CSMD1: variants seen among roughly 807,000 people sequenced by gnomAD.
The protein encoded by CSMD1 is CUB and Sushi multiple domains 1, also known as CUB and sushi domain-containing protein 1.
A neutral mutation model predicts 417.5 loss-of-function variants in CSMD1; 213 were observed. That is an observed-to-expected ratio of 0.51 (90% CI 0.46 to 0.57). The LOEUF (loss-of-function observed/expected upper bound fraction) is 0.57, where lower values mean the gene tolerates loss of function less well. Among genes scored for constraint, CSMD1 ranks in the 20% least tolerant of loss-of-function variants. The pLI, the probability that CSMD1 is intolerant of heterozygous loss-of-function variation, is 0.00. For synonymous variants in CSMD1, 2,862 were observed against 1,736.8 expected (o/e 1.65, Z -16.11); for missense variants, 6,923 against 4,529.7 (o/e 1.53, Z -15.17).
At chr8:4,218,123 C>T (rs577919121) in intron 3 of CSMD1, among the ~76,000 whole-genome samples, 2 of 152,296 alleles carry the variant, frequency 1.3e-5, no homozygotes, top group Admixed American at 6.5e-5. Context: ...TGACCTTGAA[C>T]AGCAGGGTAT....
At chr8:4,186,369 T>A (rs1042408007) in intron 3 of CSMD1, among the ~76,000 whole-genome samples, 1 of 152,122 alleles carries the variant, frequency 6.6e-6, no homozygotes, top group African/African-American at 2.4e-5. Flanking sequence ...ATCTTCGTGT[T>A]GAATGCAGCA....
chr8:3,785,560 G>C (rs1375922983), intron 5 of CSMD1, among the ~76,000 whole-genome samples: 1 of 152,202 alleles, frequency 6.6e-6, no homozygotes, highest in Non-Finnish European at 1.5e-5. Flanking sequence ...TGAAGGGAGA[G>C]GTAAGCGGTG....
At chr8:3,845,485 A>C (rs2129096566) in intron 5 of CSMD1, among the ~76,000 whole-genome samples, 1 of 152,308 alleles carries the variant, frequency 6.6e-6, no homozygotes, top group Non-Finnish European at 1.5e-5. Flanking sequence ...TAAAAGATAG[A>C]AAATGCTACA....
intron 3 of CSMD1, among the ~76,000 whole-genome samples, chr8:4,174,916 A>G (rs1483741625): frequency 2.7e-5 from 4 of 150,712 alleles, no homozygotes; most frequent in Non-Finnish European, 5.9e-5. Context: ...ATCTTTGCAG[A>G]ACTGATGTCA....
chr8:3,987,586 C>G (rs767724825), intron 5 of CSMD1, among the ~76,000 whole-genome samples: 3 of 152,118 alleles, frequency 2.0e-5, no homozygotes, highest in African/African-American at 4.8e-5. Flanking sequence ...TTTAATTCCT[C>G]GTTCTTCTCA....
intron 3 of CSMD1, among the ~76,000 whole-genome samples, chr8:4,418,249 C>G (rs987249478): frequency 3.3e-5 from 5 of 152,160 alleles, no homozygotes; most frequent in Non-Finnish European, 4.4e-5. Context: ...AAAATAAATC[C>G]AAGTTACTCA....
intron 33 of CSMD1, among the ~76,000 whole-genome samples, chr8:3,193,665 G>A (rs749531824): frequency 9.2e-5 from 14 of 152,258 alleles, no homozygotes; most frequent in Non-Finnish European, 1.8e-4. Flanking sequence ...AAAGTGAGCA[G>A]GAATGAGGTC....
intron 30 of CSMD1, among the ~76,000 whole-genome samples, chr8:3,206,118 A>G (rs1422391252): frequency 1.3e-5 from 2 of 152,178 alleles, no homozygotes; most frequent in East Asian, 3.8e-4. Flanking sequence ...AGCAACATGC[A>G]TAATTACTAA....
chr8:4,288,200 G>A (rs1041623016), intron 3 of CSMD1, among the ~76,000 whole-genome samples: 1 of 152,132 alleles, frequency 6.6e-6, no homozygotes, highest in Non-Finnish European at 1.5e-5. Flanking sequence ...TGGTACTGCA[G>A]TGGATGGATT....
intron 3 of CSMD1, among the ~76,000 whole-genome samples, chr8:4,129,816 A>G (rs1802988166): frequency 6.6e-6 from 1 of 152,102 alleles, no homozygotes; most frequent in African/African-American, 2.4e-5. Flanking sequence ...TTATTTTCTA[A>G]GTTGTCTCTG....
chr8:4,755,264 A>G (rs17071205), intron 1 of CSMD1, among the ~76,000 whole-genome samples: 19,823 of 152,248 alleles, frequency 0.13, 1,419 homozygotes, highest in African/African-American at 0.16. Flanking sequence ...GACAATATTT[A>G]TGACTTTGCC....
chr8:4,099,509 T>C (rs1182185388), intron 3 of CSMD1, among the ~76,000 whole-genome samples: 1 of 152,102 alleles, frequency 6.6e-6, no homozygotes, highest in Non-Finnish European at 1.5e-5. Context: ...TGCTGTTCAC[T>C]ACGGATTGTG....
chr8:4,157,233 G>C (rs1482021871), intron 3 of CSMD1, among the ~76,000 whole-genome samples: 2 of 152,152 alleles, frequency 1.3e-5, no homozygotes, highest in Non-Finnish European at 2.9e-5. Context: ...GAGTTTATAA[G>C]AACACAACAG....
At chr8:4,791,575 C>T (rs970904600) in intron 1 of CSMD1, among the ~76,000 whole-genome samples, 8 of 152,130 alleles carry the variant, frequency 5.3e-5, no homozygotes, top group African/African-American at 1.7e-4. Flanking sequence ...TAGAAACTAA[C>T]GTGAGGAAAT....
At chr8:4,818,078 G>T (rs1799308806) in intron 1 of CSMD1, among the ~76,000 whole-genome samples, 2 of 152,154 alleles carry the variant, frequency 1.3e-5, no homozygotes, top group South Asian at 4.1e-4. Flanking sequence ...AACTCAGGAG[G>T]ATGCATTGAA....
At position 4,727,900 on chromosome 8, in the gene CSMD1, C is replaced by CAT. The variant is rs559043031; in HGVS notation, c.86-90344_86-90343dup. On this transcript the variant is annotated intron_variant, in intron 1 of 69. Transcript: ENST00000635120. ...CACCAATATGTACCCACCTATACCA[C>CAT]ATATATATATATACCAAATACATCT... 3.7e-3 allele frequency among the ~76,000 whole-genome samples: 523 copies of CAT among 142,690 alleles called. 8 individuals are homozygous for CAT. The South Asian group carries it at 0.04, about 11-fold the overall frequency. 93.6% of individuals were successfully genotyped at this position (142,690 alleles called of 152,430 possible).
intron 3 of CSMD1, among the ~76,000 whole-genome samples, chr8:4,277,028 A>G (rs1796525099): frequency 6.6e-6 from 1 of 152,170 alleles, no homozygotes; most frequent in Non-Finnish European, 1.5e-5. Flanking sequence ...AAAGGTCAAA[A>G]AAATTACCAG....
rs780270763 is a variant in CSMD1 at position 4,420,040 on chromosome 8, A to T, written c.328T>A (p.Ser110Thr). Reference protein sequence around the residue: ...VRLSGFQLPSSIVSTGSILTL... With the variant: ...VRLSGFQLPSTIVSTGSILTL... ...AGGATAGATCCTGTACTCACTATAG[A>T]GGAGGGCAGCTGAAATCCCGATAAT... Residue 110 changes from serine to threonine, a missense_variant, in exon 3 of 70, where the codon TCT becomes ACT. Transcript: ENST00000635120. 3 of 1,575,034 alleles carry T rather than the reference A, an allele frequency of 1.9e-6. No individual in the cohort carries two copies. Among genetic ancestry groups the T allele is most frequent in the South Asian group, 2.3e-5 (2 of 85,712 alleles).
At chr8:4,987,615 TATA>T (rs1351617702) in intron 1 of CSMD1, among the ~76,000 whole-genome samples, 5 of 152,308 alleles carry the variant, frequency 3.3e-5, no homozygotes, top group South Asian at 4.1e-4. Context: ...TTTTATATAA[TATA>T]AAATATTGAG....
Sources: allele counts gnomAD v4.1 joint callset (sites outside exome capture counted in the v4.1 genomes callset), GRCh38; gene constraint gnomAD v4.1.1; transcripts MANE v1.5; gene names NCBI Gene and HGNC (gene_info 2026-07-23, HGNC 2026-07-21).